The following DNAI7 variants were observed in gnomAD, a reference collection of about 807,000 sequenced individuals.
The protein encoded by DNAI7 is cancer susceptibility 1.
DNAI7 carries 78 observed loss-of-function variants against 86.6 expected under a neutral mutation model. The ratio of observed to expected loss-of-function variants is 0.90; its 90% confidence interval spans 0.75 to 1.09. DNAI7 has a LOEUF of 1.09. Among genes scored for constraint, DNAI7 ranks in the 50% least tolerant of loss-of-function variants. The pLI is 0.00. For missense variants in DNAI7, 753 were observed against 810.2 expected, an observed-to-expected ratio of 0.93 and a Z score of 0.86; for synonymous variants, 274 against 273.0, an observed-to-expected ratio of 1.00 and a Z score of -0.04.
At chr12:25,110,750 T>A (rs1466866117) in intron 14 of DNAI7, among the ~76,000 whole-genome samples, 1 of 152,152 alleles carries the variant, frequency 6.6e-6, no homozygotes, top group African/African-American at 2.4e-5. Context: ...CTATTCCGGA[T>A]CTACCTTTTC....
intron 2 of DNAI7, among the ~76,000 whole-genome samples, chr12:25,182,422 T>C (rs1949604824): frequency 6.7e-6 from 1 of 148,558 alleles, no homozygotes; most frequent in Admixed American, 6.7e-5. Context: ...AATCATGGAA[T>C]CAACCTAATT....
chr12:25,180,949 G>A (rs1440014489), intron 2 of DNAI7, among the ~76,000 whole-genome samples: 3 of 152,112 alleles, frequency 2.0e-5, no homozygotes, highest in African/African-American at 7.2e-5. Context: ...TGGGATTACA[G>A]GCGCCTGCCA....
chr12:25,178,762 T>C (rs975904356), intron 2 of DNAI7, among the ~76,000 whole-genome samples: 1 of 152,160 alleles, frequency 6.6e-6, no homozygotes, highest in Non-Finnish European at 1.5e-5. Context: ...CAATTCTAAA[T>C]ACAGTGGTTT....
intron 2 of DNAI7, among the ~76,000 whole-genome samples, chr12:25,163,856 A>G (rs1471972080): frequency 6.6e-6 from 1 of 152,068 alleles, no homozygotes; most frequent in Non-Finnish European, 1.5e-5. Context: ...CCACACTTCA[A>G]TCTCTCCCTT....
At chr12:25,175,135 A>G (rs1024423004) in intron 2 of DNAI7, among the ~76,000 whole-genome samples, 2 of 152,122 alleles carry the variant, frequency 1.3e-5, no homozygotes, top group Non-Finnish European at 2.9e-5. Context: ...AAAATAAATT[A>G]AAAAAATAGA....
chr12:25,175,892 A>C (rs1948905068), intron 2 of DNAI7, among the ~76,000 whole-genome samples: 1 of 151,828 alleles, frequency 6.6e-6, no homozygotes, highest in African/African-American at 2.4e-5. Context: ...AGCCTGGCCA[A>C]CATGGTGAAA....
chr12:25,109,251 A>G (rs1014787992), intron 15 of DNAI7, among the ~76,000 whole-genome samples: 7 of 152,248 alleles, frequency 4.6e-5, no homozygotes, highest in Admixed American at 6.5e-5. Flanking sequence ...AGGCCAAAAT[A>G]TTCATCAGCT....
At chr12:25,180,940 G>A (rs955331045) in intron 2 of DNAI7, among the ~76,000 whole-genome samples, 1 of 152,046 alleles carries the variant, frequency 6.6e-6, no homozygotes, top group Admixed American at 6.6e-5. Context: ...CTGAGTAGCT[G>A]GGATTACAGG....
rs908821914 is a variant in DNAI7 at position 25,119,293 on chromosome 12, T to C, written c.1248A>G (p.Lys416=). ...GATATGTGTATTTCTGTAATCCTTC[T>C]TTGAGTATCTTTTTAAAATGACCAA... The part of the protein sequence containing the change: ...VKGWMIVEIL[K]EGLQKYTYPP... Residue 416 remains lysine, a synonymous_variant, in exon 12 of 16, where the codon AAA becomes AAG. Transcript: ENST00000395987. 1.9e-6 allele frequency: 3 copies of C among 1,600,356 alleles called. No individual in the cohort carries two copies. Among genetic ancestry groups the C allele is most frequent in the Non-Finnish European group, 2.6e-6 (3 of 1,174,510 alleles).
intron 2 of DNAI7, among the ~76,000 whole-genome samples, chr12:25,172,599 C>T (rs1251785206): frequency 1.3e-5 from 2 of 152,104 alleles, no homozygotes; most frequent in African/African-American, 4.8e-5. Flanking sequence ...TTAGAAAAAA[C>T]AATTCTAAAA....
chr12:25,110,990 A>G (rs1166336470), intron 14 of DNAI7, among the ~76,000 whole-genome samples: 1 of 152,192 alleles, frequency 6.6e-6, no homozygotes, highest in Non-Finnish European at 1.5e-5. Context: ...GTAGAGTAAC[A>G]GGCAATTTGA....
chr12:25,178,449 T>C (rs1030789314), intron 2 of DNAI7, among the ~76,000 whole-genome samples: 1 of 152,154 alleles, frequency 6.6e-6, no homozygotes, highest in African/African-American at 2.4e-5. Context: ...TTAATATTTA[T>C]CATTTATGCC....
At chr12:25,159,860 C>T (rs753522079) in intron 3 of DNAI7, among the ~76,000 whole-genome samples, 27 of 152,006 alleles carry the variant, frequency 1.8e-4, no homozygotes, top group Middle Eastern at 3.2e-3. Context: ...TTTTAAAAAC[C>T]TCTATCTAAA....
At chr12:25,165,726 C>A (rs534813282) in intron 2 of DNAI7, among the ~76,000 whole-genome samples, 20 of 152,184 alleles carry the variant, frequency 1.3e-4, no homozygotes, top group African/African-American at 3.6e-4. Context: ...CAATACGGAG[C>A]CTACCCATTC....
intron 2 of DNAI7, among the ~76,000 whole-genome samples, chr12:25,189,108 T>C (rs12423489): frequency 0.11 from 17,443 of 152,218 alleles, 1,352 homozygotes; most frequent in Admixed American, 0.16. Context: ...ATACACTGTA[T>C]ATAAACATTT....
chr12:25,159,204 A>G (rs911024159), intron 3 of DNAI7, among the ~76,000 whole-genome samples: 5 of 152,210 alleles, frequency 3.3e-5, no homozygotes, highest in African/African-American at 9.6e-5. Context: ...CACTCACTGT[A>G]GCTTTAGATG....
intron 12 of DNAI7, among the ~76,000 whole-genome samples, chr12:25,117,727 G>A (rs765812537): frequency 6.6e-6 from 1 of 151,794 alleles, no homozygotes; most frequent in Non-Finnish European, 1.5e-5. Flanking sequence ...AAAATAAAAA[G>A]GTATAAAAAG....
downstream of DNAI7, chr12:25,107,748 T>A: frequency 6.9e-7 from 1 of 1,451,724 alleles, no homozygotes; most frequent in Non-Finnish European, 9.6e-7. Flanking sequence ...TGACTGGTGG[T>A]GTTAGCAAAA....
At position 25,161,310 on chromosome 12, in the gene DNAI7, T is replaced by C. The variant is rs1040150360; in HGVS notation, c.22-113A>G. ...TTTTTGCTTTCATAAAACCAGCCTTTCATGCATTCATTCAACAAATAAGAC... is the reference window on the plus strand; with the variant it reads ...TTTTTGCTTTCATAAAACCAGCCTTCCATGCATTCATTCAACAAATAAGAC... On this transcript the variant is annotated intron_variant, in intron 2 of 15. Transcript: ENST00000395987. 2.2e-5 allele frequency: 19 copies of C among 857,090 alleles called. No homozygotes were observed. The African/African-American group carries it at 2.9e-4, about 13-fold the overall frequency. 53.1% of individuals were successfully genotyped at this position (857,090 alleles called of 1,614,324 possible).
Sources: gnomAD v4.1 joint callset for allele counts (sites outside exome capture counted in the v4.1 genomes callset) on GRCh38, gnomAD v4.1.1 for gene constraint, MANE v1.5 for transcripts, NCBI Gene and HGNC (gene_info 2026-07-23, HGNC 2026-07-21) for gene names.